The following HDGFL3 variants were observed in gnomAD, a reference collection of about 807,000 sequenced individuals.
The protein encoded by HDGFL3 is HDGF like 3.
HDGFL3 carries 6 observed loss-of-function variants against 27.6 expected under a neutral mutation model. That is an observed-to-expected ratio of 0.22 (90% CI 0.12 to 0.43). The LOEUF (loss-of-function observed/expected upper bound fraction) is 0.43, where lower values mean the gene tolerates loss of function less well. Among genes scored for constraint, HDGFL3 ranks in the 20% least tolerant of loss-of-function variants. The probability of loss-of-function intolerance (pLI) is 1.00; values close to 1 mark genes in which losing one functional copy is unlikely to be tolerated. For synonymous variants in HDGFL3, 88 were observed against 88.9 expected, an observed-to-expected ratio of 0.99 and a Z score of 0.05; for missense variants, 207 against 250.1, an observed-to-expected ratio of 0.83 and a Z score of 1.16.
chr15:83,182,895 G>A (rs1314196414), intron 1 of HDGFL3, among the ~76,000 whole-genome samples: 1 of 152,140 alleles, frequency 6.6e-6, no homozygotes, highest in Admixed American at 6.5e-5. Context: ...ATTGTTAGAT[G>A]GACAGAAATG....
At chr15:83,150,192 A>G (rs2036946436) in intron 5 of HDGFL3, among the ~76,000 whole-genome samples, 2 of 152,180 alleles carry the variant, frequency 1.3e-5, no homozygotes, top group African/African-American at 4.8e-5. Context: ...AGTAAAGGGA[A>G]GAGAAATTGT....
At chr15:83,125,359 G>A (rs2151372962), downstream of HDGFL3, among the ~76,000 whole-genome samples, 2 of 152,276 alleles carry the variant, frequency 1.3e-5, 1 homozygote, top group Middle Eastern at 6.8e-3. Flanking sequence ...ATATTTTACT[G>A]CAGAGGTTAG....
Position 83,139,114 on chromosome 15 carries a change from C to G in HDGFL3, c.*156G>C, listed in dbSNP as rs1485239434. The stretch of plus-strand genomic sequence containing the variant: ...TAAAATGTCTTTTCCCCCCGAAACA[C>G]AACAGAGAGGAATATGAATAATGTA... On this transcript the variant is annotated 3_prime_UTR_variant, in exon 6 of 6. Transcript: ENST00000299633. 1 of 442,892 alleles carries G rather than the reference C, an allele frequency of 2.3e-6. No individual in the cohort carries two copies. Among genetic ancestry groups the G allele is most frequent in the Non-Finnish European group, 4.0e-6 (1 of 247,000 alleles). The allele number at this position is 442,892 out of a possible 1,614,324, so 27.4% of individuals were successfully genotyped here. A position where few individuals can be genotyped will look rare whatever the true frequency, so the allele number is the denominator to read the frequency against.
rs576742848 is a variant in HDGFL3 at position 83,132,771 on chromosome 15, G to A, written c.*6499C>T. On this transcript the variant is annotated 3_prime_UTR_variant, in exon 6 of 6. Coordinates refer to ENST00000299633, the MANE Select transcript of HDGFL3 (RefSeq NM_016073.4). ...GAAAGTAACAGTTTAGGAAGAACAC[G>A]GATAGTTGGGATACTAATGCAAATC... 7 of 152,174 alleles carry A rather than the reference G, an allele frequency of 4.6e-5. No individual in the cohort carries two copies. The South Asian group carries it at 1.0e-3, about 23-fold the overall frequency. The allele number at this position is 152,174 out of a possible 1,614,324, so 9.4% of individuals were successfully genotyped here.
chr15:83,197,728 A>G (rs1163308715), intron 1 of HDGFL3, among the ~76,000 whole-genome samples: 2 of 152,182 alleles, frequency 1.3e-5, no homozygotes, highest in Admixed American at 6.5e-5. Context: ...AACACTGTAT[A>G]TAACTCGGTA....
At chr15:83,205,993 A>G (rs955397781) in intron 1 of HDGFL3, among the ~76,000 whole-genome samples, 1 of 152,210 alleles carries the variant, frequency 6.6e-6, no homozygotes, top group Non-Finnish European at 1.5e-5. Flanking sequence ...AAAGGATCCT[A>G]GAGATGATTT....
intron 1 of HDGFL3, among the ~76,000 whole-genome samples, chr15:83,187,996 T>G (rs749359647): frequency 1.3e-5 from 2 of 152,132 alleles, no homozygotes; most frequent in Non-Finnish European, 2.9e-5. Context: ...GATCATAGAT[T>G]AGAGGTATTT....
Position 83,207,743 on chromosome 15 carries a change from T to TGCC in HDGFL3, c.-332_-330dup, listed in dbSNP as rs2037743793. ...CACCAGCGCCGCGTCGCCTGCCTCA[T>TGCC]GCCGCCGCTGCCGGTCTCCCTCCCG... is the stretch of plus-strand genomic sequence containing the variant. On this transcript the variant is annotated 5_prime_UTR_variant, in exon 1 of 6. Transcript: ENST00000299633. The surrounding 1 kb of genome is among the most constrained non-coding windows in gnomAD (Gnocchi z 4.8). The TGCC allele has an allele frequency of 6.7e-6, 1 of 148,972 alleles. No individual in the cohort carries two copies. Among genetic ancestry groups the TGCC allele is most frequent in the Non-Finnish European group, 1.5e-5 (1 of 66,888 alleles). The allele number at this position is 148,972 out of a possible 1,614,324, so 9.2% of individuals were successfully genotyped here.
chr15:83,139,830 T>A (rs2036732141), intron 5 of HDGFL3, among the ~76,000 whole-genome samples: 1 of 152,224 alleles, frequency 6.6e-6, no homozygotes. Context: ...AAGCCTAGAT[T>A]TCTTTTAAAA....
chr15:83,175,903 C>T (rs1331994364), intron 1 of HDGFL3, among the ~76,000 whole-genome samples: 1 of 152,110 alleles, frequency 6.6e-6, no homozygotes, highest in Non-Finnish European at 1.5e-5. Flanking sequence ...ACATTCATGG[C>T]TGAACACACA....
rs1260544110 is a variant in HDGFL3 at position 83,130,481 on chromosome 15, T to C, written c.*8789A>G. 2 of 152,264 alleles carry C rather than the reference T, an allele frequency of 1.3e-5. No individual in the cohort carries two copies. The highest frequency in any genetic ancestry group is 2.9e-5 in the Non-Finnish European group (2 of 68,094). The allele number at this position is 152,264 out of a possible 1,614,324, so 9.4% of individuals were successfully genotyped here. A position where few individuals can be genotyped will look rare whatever the true frequency, so the allele number is the denominator to read the frequency against. Reference sequence around the variant, plus strand: ...GATAAGGCAGCCTGAAGCCCCTCTCTTGATGGTGAATGCCCAGATCCAGAG... The same window carrying C: ...GATAAGGCAGCCTGAAGCCCCTCTCCTGATGGTGAATGCCCAGATCCAGAG... On this transcript the variant is annotated 3_prime_UTR_variant, in exon 6 of 6. Coordinates refer to ENST00000299633, the MANE Select transcript of HDGFL3 (RefSeq NM_016073.4).
intron 5 of HDGFL3, among the ~76,000 whole-genome samples, chr15:83,144,351 T>A (rs773554863): frequency 6.6e-6 from 1 of 152,202 alleles, no homozygotes; most frequent in Non-Finnish European, 1.5e-5. Flanking sequence ...TACATCACAT[T>A]CTTGTGTAAT....
intron 4 of HDGFL3, among the ~76,000 whole-genome samples, chr15:83,157,167 A>ACAGT (rs1425170584): frequency 6.6e-6 from 1 of 152,194 alleles, no homozygotes; most frequent in African/African-American, 2.4e-5. Flanking sequence ...TAACTAAAGA[A>ACAGT]CAGTCAGTCC....
intron 4 of HDGFL3, among the ~76,000 whole-genome samples, chr15:83,152,982 A>T (rs1019108201): frequency 3.4e-5 from 5 of 148,602 alleles, no homozygotes; most frequent in African/African-American, 1.2e-4. Flanking sequence ...AGTCCTCGAT[A>T]CGCAGTTCTT....
chr15:83,187,080 T>C (rs2037451948), intron 1 of HDGFL3, among the ~76,000 whole-genome samples: 1 of 152,146 alleles, frequency 6.6e-6, no homozygotes, highest in Admixed American at 6.5e-5. Context: ...GGTGACTATC[T>C]TTTCATGTCA....
At chr15:83,155,887 C>T (rs1013614089) in intron 4 of HDGFL3, among the ~76,000 whole-genome samples, 8 of 152,144 alleles carry the variant, frequency 5.3e-5, no homozygotes, top group African/African-American at 1.7e-4. Context: ...ATTTATCTTG[C>T]TTTCAGTTTC....
intron 4 of HDGFL3, among the ~76,000 whole-genome samples, chr15:83,153,693 G>A (rs2036991929): frequency 1.3e-5 from 2 of 152,192 alleles, no homozygotes; most frequent in South Asian, 4.1e-4. Context: ...AGTTTGTTGT[G>A]AGGCTCTCAT....
chr15:83,196,125 GGA>G (rs1298218672), intron 1 of HDGFL3, among the ~76,000 whole-genome samples: 1 of 151,544 alleles, frequency 6.6e-6, no homozygotes, highest in African/African-American at 2.4e-5. Flanking sequence ...TCTTCATTTT[GGA>G]GAGAGTAGTT....
chr15:83,112,859 T>C, exon 4 of HDGFL3: 1 of 1,614,158 alleles, frequency 6.2e-7, no homozygotes, highest in Non-Finnish European at 8.5e-7. Flanking sequence ...CTGGCTCGTG[T>C]CCTCGTCAAA....
Sources: allele counts gnomAD v4.1 joint callset (sites outside exome capture counted in the v4.1 genomes callset), GRCh38; gene constraint gnomAD v4.1.1; non-coding constraint Gnocchi (gnomAD v3.1); transcripts MANE v1.5; gene names NCBI Gene and HGNC (gene_info 2026-07-23, HGNC 2026-07-21).